MIER1: variants seen among roughly 807,000 people sequenced by gnomAD.
MIER1 encodes MIER1 transcriptional regulator, also known as mesoderm induction early response protein 1.
MIER1 carries 40 observed loss-of-function variants against 75.7 expected under a neutral mutation model. That is an observed-to-expected ratio of 0.53 (90% CI 0.41 to 0.69). The LOEUF (loss-of-function observed/expected upper bound fraction) is 0.69. Ranked by LOEUF, MIER1 falls within the 30% of genes least tolerant of loss-of-function variation. The pLI, the probability that MIER1 is intolerant of heterozygous loss-of-function variation, is 0.00. For synonymous variants in MIER1, 213 were observed against 223.4 expected (o/e 0.95, Z 0.42); for missense variants, 574 against 680.2 (o/e 0.84, Z 1.74).
chr1:66,951,268 G>A (rs1658874364), intron 4 of MIER1, among the ~76,000 whole-genome samples: 1 of 152,108 alleles, frequency 6.6e-6, no homozygotes, highest in South Asian at 2.1e-4. Context: ...AGCTGGGACT[G>A]TAGGCGTGCA....
At chr1:66,979,072 G>T (rs1374210096) in intron 12 of MIER1, among the ~76,000 whole-genome samples, 5 of 151,846 alleles carry the variant, frequency 3.3e-5, no homozygotes, top group African/African-American at 7.3e-5. Context: ...GGTTTTGTAG[G>T]CTTCAGTTGT....
At chr1:66,955,343 T>TTG (rs1659893737) in intron 4 of MIER1, among the ~76,000 whole-genome samples, 1 of 137,256 alleles carries the variant, frequency 7.3e-6, no homozygotes, top group East Asian at 2.1e-4. Flanking sequence ...TGAGTTTTTT[T>TTG]TTTTTTTTTT....
Position 66,970,801 on chromosome 1 carries a change from AATT to A in MIER1, c.773-6_773-4del. The A allele has an allele frequency of 6.5e-7, 1 of 1,535,494 alleles. No individual in the cohort carries two copies. The highest frequency in any genetic ancestry group is 8.7e-7 in the Non-Finnish European group (1 of 1,147,530). ...AATTTGTTTAACATTGTCTTTTACT[AATT>A]TAGTATATGAAAATGATGATCAGCT... On this transcript the variant is annotated splice_region_variant and splice_polypyrimidine_tract_variant and intron_variant, in intron 8 of 13. Transcript: ENST00000401041.
chr1:66,925,227 C>T, intron 1 of MIER1, 132 bp downstream of exon 1: 6 of 1,365,990 alleles, frequency 4.4e-6, no homozygotes, highest in Non-Finnish European at 4.7e-6. Flanking sequence ...AGACCCTTAA[C>T]TTCCGGGGAG....
chr1:66,971,585 A>T, intron 9 of MIER1, 70 bp from the exon 10 acceptor site: 1 of 791,564 alleles, frequency 1.3e-6, no homozygotes, highest in Non-Finnish European at 2.1e-6. Context: ...TGTTTGAAAA[A>T]CTTTTAAGAA....
intron 8 of MIER1, among the ~76,000 whole-genome samples, chr1:66,968,977 C>CT (rs1290814491): frequency 5.9e-5 from 9 of 152,156 alleles, no homozygotes; most frequent in Admixed American, 2.6e-4. Context: ...AATATAAGAA[C>CT]TTTCGTCTGC....
chr1:66,925,253 G>T, intron 1 of MIER1, 158 bp downstream of exon 1: 6 of 983,580 alleles, frequency 6.1e-6, no homozygotes, highest in Non-Finnish European at 7.2e-6. Context: ...GCCGCAGAAC[G>T]CGCCTGGCTT....
chr1:66,946,315 A>C lies in MIER1; in HGVS notation c.339+20A>C, dbSNP rs748285904. On this transcript the variant is annotated intron_variant, in intron 4 of 13. Coordinates refer to ENST00000401041, the MANE Select transcript of MIER1 (RefSeq NM_001077700.3). Reference sequence around the variant, plus strand: ...GCAAGGGTAAATAACATGTAGAGCTAGGGTATGAATTGGTTATGACTTTTT... The same window carrying C: ...GCAAGGGTAAATAACATGTAGAGCTCGGGTATGAATTGGTTATGACTTTTT... 6.3e-7 allele frequency: 1 copy of C among 1,577,764 alleles called. No homozygotes were observed. The highest frequency in any genetic ancestry group is 8.6e-7 in the Non-Finnish European group (1 of 1,167,086).
chr1:66,967,485 T>C (rs923863178), intron 8 of MIER1, among the ~76,000 whole-genome samples: 13 of 152,352 alleles, frequency 8.5e-5, no homozygotes, highest in South Asian at 2.1e-4. Flanking sequence ...CTGAGTCTTT[T>C]GTGGTTCCAT....
At chr1:66,962,749 GAT>G (rs1661512347) in intron 7 of MIER1, among the ~76,000 whole-genome samples, 1 of 152,130 alleles carries the variant, frequency 6.6e-6, no homozygotes, top group Non-Finnish European at 1.5e-5. Context: ...CTTAAGTGTA[GAT>G]ACTCTGAAAA....
chr1:66,931,740 A>G (rs1297882020), intron 2 of MIER1, among the ~76,000 whole-genome samples: 1 of 152,130 alleles, frequency 6.6e-6, no homozygotes. Flanking sequence ...TTGTTCCAGT[A>G]GACTGAGAAT....
At chr1:66,926,503 C>G (rs1189548695) in intron 2 of MIER1, among the ~76,000 whole-genome samples, 1 of 151,958 alleles carries the variant, frequency 6.6e-6, no homozygotes, top group Non-Finnish European at 1.5e-5. Context: ...TTTGAAGAAC[C>G]AAAAGCCTAT....
chr1:66,925,079 C>G lies in MIER1; in HGVS notation c.51C>G (p.Gly17=), dbSNP rs1438832000. The part of the protein sequence containing the change: ...GGGGSSEGGG[G]SSGSGYGVVA... ...GCGGCAGCAGCGAAGGTGGCGGCGG[C>G]AGCAGCGGCAGCGGCTGTAAGTGCA... The change falls in exon 1 of 14, where the codon GGC becomes GGG. Residue 17 remains glycine (G), a synonymous_variant. Transcript: ENST00000401041. 1 of 1,546,892 alleles carries G rather than the reference C, an allele frequency of 6.5e-7. No homozygotes were observed. Among genetic ancestry groups the G allele is most frequent in the Non-Finnish European group, 8.7e-7 (1 of 1,145,766 alleles).
chr1:66,981,463 A>G (rs984859440), intron 12 of MIER1, among the ~76,000 whole-genome samples: 8 of 152,132 alleles, frequency 5.3e-5, no homozygotes, highest in Admixed American at 1.3e-4. Flanking sequence ...CATCACCCCT[A>G]TCACTTCAGT....
intron 2 of MIER1, among the ~76,000 whole-genome samples, chr1:66,935,388 G>A (rs895612415): frequency 6.6e-6 from 1 of 152,108 alleles, no homozygotes; most frequent in African/African-American, 2.4e-5. Flanking sequence ...TTCATACTCT[G>A]TGTACAGTCT....
At chr1:66,952,025 T>C (rs1221072690) in intron 4 of MIER1, among the ~76,000 whole-genome samples, 2 of 152,220 alleles carry the variant, frequency 1.3e-5, no homozygotes, top group East Asian at 3.8e-4. Context: ...GAATAATATA[T>C]CTAAAGCGCT....
intron 2 of MIER1, among the ~76,000 whole-genome samples, chr1:66,939,275 C>T (rs577183597): frequency 1.3e-5 from 2 of 152,192 alleles, no homozygotes; most frequent in African/African-American, 4.8e-5. Flanking sequence ...AACACAACTG[C>T]GCATTGTCAA....
In MIER1 at chr1:66,987,130, A is replaced by G. The variant is rs1221476134; in HGVS notation, c.*2230A>G. 1 of 152,766 alleles carries G rather than the reference A, an allele frequency of 6.5e-6. No homozygotes were observed. Among genetic ancestry groups the G allele is most frequent in the Non-Finnish European group, 1.5e-5 (1 of 67,988 alleles). The allele number at this position is 152,766 out of a possible 1,614,324, so 9.5% of individuals were successfully genotyped here. A position where few individuals can be genotyped will look rare whatever the true frequency, so the allele number is the denominator to read the frequency against. ...ATCTTTAAAAAATACACCTAATGAA[A>G]GACATTCCACTATTATGCGTAATGC... is the stretch of plus-strand genomic sequence containing the variant. On this transcript the variant is annotated 3_prime_UTR_variant, in exon 14 of 14. Transcript: ENST00000401041.
In MIER1 at chr1:66,963,111, T is replaced by G. The variant is rs369195058; in HGVS notation, c.723T>G (p.Phe241Leu). ...AGGAGATTATGGTGGGCTCCATGTT[T>G]CAAGCAGAAATTCCAGTTGGCATTT... is the stretch of plus-strand genomic sequence containing the variant. The part of the protein sequence containing the change: ...WKKEIMVGSM[F>L]QAEIPVGICR... Residue 241 changes from phenylalanine (F) to leucine (L), a missense_variant, in exon 8 of 14, where the codon TTT becomes TTG. Coordinates refer to ENST00000401041, the MANE Select transcript of MIER1 (RefSeq NM_001077700.3). The G allele has an allele frequency of 6.2e-7, 1 of 1,612,220 alleles. No homozygotes were observed.
Sources: allele counts gnomAD v4.1 joint callset (sites outside exome capture counted in the v4.1 genomes callset), GRCh38; gene constraint gnomAD v4.1.1; transcripts MANE v1.5; gene names NCBI Gene and HGNC (gene_info 2026-07-23, HGNC 2026-07-21).